CAMTA1: variants seen among roughly 807,000 people sequenced by gnomAD.
CAMTA1 encodes the protein calmodulin binding transcription activator 1, also known as calmodulin-binding transcription activator 1.
Under a neutral mutation model 170.9 loss-of-function variants are expected in CAMTA1, and 27 were observed. The ratio of observed to expected loss-of-function variants is 0.16; its 90% CI spans 0.12 to 0.22. The LOEUF (loss-of-function observed/expected upper bound fraction) is 0.22. Among genes scored for constraint, CAMTA1 ranks in the 10% least tolerant of loss-of-function variants. CAMTA1 has a pLI of 1.00. For synonymous variants in CAMTA1, 833 were observed against 891.5 expected (o/e 0.93, Z 1.17); for missense variants, 1,619 against 2,217.2 (o/e 0.73, Z 5.42).
chr1:7,283,110 A>G (rs1671748182), intron 5 of CAMTA1, among the ~76,000 whole-genome samples: 1 of 152,180 alleles, frequency 6.6e-6, no homozygotes, highest in Non-Finnish European at 1.5e-5. Context: ...GAGCATAAAG[A>G]AGAGTAAATA....
chr1:7,200,909 C>T (rs531982172), intron 4 of CAMTA1, among the ~76,000 whole-genome samples: 35 of 152,286 alleles, frequency 2.3e-4, no homozygotes, highest in Admixed American at 1.9e-3. Context: ...ATGTAATTCA[C>T]GTGCTGTACA....
chr1:7,404,726 C>G (rs770789869), intron 5 of CAMTA1, among the ~76,000 whole-genome samples: 11 of 152,102 alleles, frequency 7.2e-5, no homozygotes. Flanking sequence ...TCACCAGAGC[C>G]GCCTACGGGA....
chr1:6,833,297 G>A (rs1433108418), intron 3 of CAMTA1, among the ~76,000 whole-genome samples: 1 of 152,088 alleles, frequency 6.6e-6, no homozygotes, highest in Non-Finnish European at 1.5e-5. Context: ...CACTTAACCT[G>A]GCCATAGTCA....
Position 7,300,030 on chromosome 1 carries a change from T to G in CAMTA1, c.438+50404T>G, listed in dbSNP as rs1674533155. 6.6e-6 allele frequency among the ~76,000 whole-genome samples: 1 copy of G among 152,160 alleles called. No individual in the cohort carries two copies. The highest frequency in any genetic ancestry group is 6.5e-5 in the Admixed American group (1 of 15,278). ...CTCCCTGTACCTTAAGTAATTATCA[T>G]TTAGAATAAAGTCAGAAAATTGCTT... On this transcript the variant is annotated intron_variant, in intron 5 of 22. Coordinates refer to ENST00000303635, the MANE Select transcript of CAMTA1 (RefSeq NM_015215.4). The surrounding 1 kb of genome is among the most constrained non-coding windows in gnomAD (Gnocchi z 4.1).
chr1:7,443,240 A>G lies in CAMTA1; in HGVS notation c.439-24590A>G, dbSNP rs2092594103. On this transcript the variant is annotated intron_variant, in intron 5 of 22. Coordinates refer to ENST00000303635, the MANE Select transcript of CAMTA1 (RefSeq NM_015215.4). This position sits in a 1 kb window ranked among gnomAD's most constrained non-coding sequence, Gnocchi z 4.1. The stretch of plus-strand genomic sequence containing the variant: ...GTGTATGATGATCTGCATGAAGTCC[A>G]TTTCCCCACTTTCGTGGGGTACAGT... Among the ~76,000 whole-genome samples the G allele has an allele frequency of 6.6e-6, 1 of 152,156 alleles. No homozygotes were observed. Among genetic ancestry groups the G allele is most frequent in the African/African-American group, 2.4e-5 (1 of 41,440 alleles).
At chr1:7,429,240 T>C (rs1029484135) in intron 5 of CAMTA1, among the ~76,000 whole-genome samples, 3 of 152,202 alleles carry the variant, frequency 2.0e-5, no homozygotes, top group Non-Finnish European at 4.4e-5. Flanking sequence ...CCTCATATGG[T>C]GGTTGCGAGG....
chr1:6,896,080 A>T (rs1399926003), intron 3 of CAMTA1, among the ~76,000 whole-genome samples: 3 of 152,138 alleles, frequency 2.0e-5, no homozygotes, highest in African/African-American at 7.2e-5. Context: ...ACTTGGTGGA[A>T]CTAGCTGCCT....
At chr1:6,909,693 C>T (rs1263644654) in intron 3 of CAMTA1, among the ~76,000 whole-genome samples, 1 of 152,232 alleles carries the variant, frequency 6.6e-6, no homozygotes, top group Non-Finnish European at 1.5e-5. Context: ...GGGTGACCCA[C>T]AGGAGGTGGC....
At chr1:7,139,293 T>C (rs924666200) in intron 4 of CAMTA1, among the ~76,000 whole-genome samples, 1 of 92,672 alleles carries the variant, frequency 1.1e-5, no homozygotes, top group Admixed American at 1.2e-4. Flanking sequence ...ATATTTATAT[T>C]TATAAAATTA....
chr1:7,768,049 A>G lies in CAMTA1; in HGVS notation c.*1558A>G, dbSNP rs2097033397. On this transcript the variant is annotated 3_prime_UTR_variant, in exon 23 of 23. Transcript: ENST00000303635. ...AGTTACTTTTGCAAAACAGATAATC[A>G]TAAGATGAATCAGTATGTAGCTTAA... 1 of 152,434 alleles carries G rather than the reference A, an allele frequency of 6.6e-6. No homozygotes were observed. Among genetic ancestry groups the G allele is most frequent in the South Asian group, 2.1e-4 (1 of 4,824 alleles). The allele number at this position is 152,434 out of a possible 1,614,324, so 9.4% of individuals were successfully genotyped here.
intron 11 of CAMTA1, among the ~76,000 whole-genome samples, chr1:7,713,280 C>T (rs1369015268): frequency 1.3e-5 from 2 of 152,144 alleles, no homozygotes; most frequent in African/African-American, 2.4e-5. Flanking sequence ...GATGGAGTAG[C>T]ACCTGAGCCT....
intron 10 of CAMTA1, chr1:7,672,101 G>C (rs570793443): frequency 2.2e-4 from 101 of 455,916 alleles, no homozygotes; most frequent in African/African-American, 2.0e-3. Context: ...TAAACAGGAG[G>C]GGGGTAAGGA....
At chr1:7,187,544 C>G (rs1653626656) in intron 4 of CAMTA1, among the ~76,000 whole-genome samples, 2 of 152,040 alleles carry the variant, frequency 1.3e-5, no homozygotes, top group Admixed American at 6.6e-5. Context: ...CTTAAGCATT[C>G]TAGACTTCCT....
At chr1:7,054,465 C>T (rs1358454611) in intron 3 of CAMTA1, among the ~76,000 whole-genome samples, 1 of 152,176 alleles carries the variant, frequency 6.6e-6, no homozygotes, top group East Asian at 1.9e-4. Context: ...TTTTGCATGG[C>T]TCAGTGGAAG....
intron 1 of CAMTA1, among the ~76,000 whole-genome samples, chr1:6,791,607 A>G (rs1164041600): frequency 6.6e-6 from 1 of 152,158 alleles, no homozygotes; most frequent in Non-Finnish European, 1.5e-5. Context: ...GCCTCTCCTA[A>G]TGTTCCTTTG....
In CAMTA1 at chr1:7,195,690, A is replaced by G. The variant is rs759541076; in HGVS notation, c.303-53801A>G. 3.9e-5 allele frequency among the ~76,000 whole-genome samples: 6 copies of G among 152,194 alleles called. No homozygotes were observed. Among genetic ancestry groups the G allele is most frequent in the Admixed American group, 2.0e-4 (3 of 15,286 alleles). ...TGTGAGTGCTTATATTTAGCCAGCC[A>G]TTGCTCACAGCAGAAGGATAAAGGG... is the stretch of plus-strand genomic sequence containing the variant. On this transcript the variant is annotated intron_variant, in intron 4 of 22. Coordinates refer to ENST00000303635, the MANE Select transcript of CAMTA1 (RefSeq NM_015215.4). This position sits in a 1 kb window ranked among gnomAD's most constrained non-coding sequence, Gnocchi z 4.1.
chr1:6,875,818 A>G (rs1669674808), intron 3 of CAMTA1, among the ~76,000 whole-genome samples: 1 of 152,236 alleles, frequency 6.6e-6, no homozygotes, highest in Admixed American at 6.5e-5. Flanking sequence ...CTTGTTCTAG[A>G]GAGATGGATA....
At chr1:7,527,629 T>C (rs1420690695) in intron 6 of CAMTA1, among the ~76,000 whole-genome samples, 2 of 152,234 alleles carry the variant, frequency 1.3e-5, no homozygotes, top group African/African-American at 2.4e-5. Flanking sequence ...TGGGGCCTTG[T>C]ATCTTGAGCC....
chr1:7,245,666 T>C (rs1319136359), intron 4 of CAMTA1, among the ~76,000 whole-genome samples: 1 of 152,094 alleles, frequency 6.6e-6, no homozygotes, highest in African/African-American at 2.4e-5. Flanking sequence ...AGAATAAAGC[T>C]CCCTGTTGTC....
Sources: allele counts gnomAD v4.1 joint callset (sites outside exome capture counted in the v4.1 genomes callset), GRCh38; gene constraint gnomAD v4.1.1; non-coding constraint Gnocchi (gnomAD v3.1); transcripts MANE v1.5; gene names NCBI Gene and HGNC (gene_info 2026-07-23, HGNC 2026-07-21).